The following PCGF5 variants were observed in gnomAD, a reference collection of about 807,000 sequenced individuals.
PCGF5 encodes the protein polycomb group RING finger protein 5.
A neutral mutation model predicts 44.3 loss-of-function variants in PCGF5; 9 were observed. That is an observed-to-expected ratio of 0.20 (90% confidence interval 0.12 to 0.35). The LOEUF (loss-of-function observed/expected upper bound fraction) is 0.35, where lower values mean the gene tolerates loss of function less well. Ranked by LOEUF, PCGF5 falls within the 10% of genes least tolerant of loss-of-function variation. The pLI, the probability that PCGF5 is intolerant of heterozygous loss-of-function variation, is 1.00. For missense variants in PCGF5, 146 were observed against 305.3 expected, an observed-to-expected ratio of 0.48 and a Z score of 3.89; for synonymous variants, 95 against 102.5, an observed-to-expected ratio of 0.93 and a Z score of 0.44.
chr10:91,243,195 G>A (rs1036227812), intron 3 of PCGF5, among the ~76,000 whole-genome samples: 5 of 152,198 alleles, frequency 3.3e-5, no homozygotes, highest in Non-Finnish European at 1.5e-5. Flanking sequence ...AGGAGACTAA[G>A]GAGGTTGTGG....
At chr10:91,233,972 A>G (rs576147090) in intron 2 of PCGF5, among the ~76,000 whole-genome samples, 6 of 152,334 alleles carry the variant, frequency 3.9e-5, no homozygotes, top group East Asian at 3.9e-4. Context: ...AAAGATTATT[A>G]TTGTTTTATC....
At chr10:91,162,235 G>T (rs984677232), upstream of PCGF5, among the ~76,000 whole-genome samples, 1 of 149,364 alleles carries the variant, frequency 6.7e-6, no homozygotes, top group Non-Finnish European at 1.5e-5. Flanking sequence ...AGGCATTAAG[G>T]CTCGAGGCCA....
At chr10:91,223,637 C>T (rs1430422685) in intron 2 of PCGF5, among the ~76,000 whole-genome samples, 2 of 152,206 alleles carry the variant, frequency 1.3e-5, no homozygotes, top group African/African-American at 4.8e-5. Context: ...GCCAAGATTA[C>T]ACATACTCTT....
At chr10:91,184,095 G>C (rs1456393059) in intron 1 of PCGF5, among the ~76,000 whole-genome samples, 1 of 152,086 alleles carries the variant, frequency 6.6e-6, no homozygotes, top group Non-Finnish European at 1.5e-5. Context: ...TCCTGAATTT[G>C]AAGGTTGGCC....
chr10:91,197,929 G>A (rs1239024210), intron 1 of PCGF5, among the ~76,000 whole-genome samples: 1 of 152,154 alleles, frequency 6.6e-6, no homozygotes, highest in African/African-American at 2.4e-5. Flanking sequence ...TGGTTCTCAA[G>A]ATGTTTCATT....
rs1347840151 is a variant in PCGF5, at chr10:91,278,389, C to T, written c.*73C>T. 8.1e-6 allele frequency: 11 copies of T among 1,353,242 alleles called. No individual in the cohort carries two copies. The highest frequency in any genetic ancestry group is 2.4e-5 in the South Asian group (2 of 85,080). The allele number at this position is 1,353,242 out of a possible 1,614,324, so 83.8% of individuals were successfully genotyped here. ...ACTCGTCAACAGATTGCACAGTTAA[C>T]GGTGTGTGGACTAGAGGAACACAAC... On this transcript the variant is annotated 3_prime_UTR_variant, in exon 10 of 10. Coordinates refer to ENST00000336126, the MANE Select transcript of PCGF5 (RefSeq NM_032373.5).
chr10:91,280,102 A>G lies in PCGF5; in HGVS notation c.*1786A>G, dbSNP rs1846416460. The stretch of plus-strand genomic sequence containing the variant: ...GAATGGCTCACAAGCAGAATTTAAA[A>G]GGCAGATTTTCATTAACTATAAATG... On this transcript the variant is annotated 3_prime_UTR_variant, in exon 10 of 10. Coordinates refer to ENST00000336126, the MANE Select transcript of PCGF5 (RefSeq NM_032373.5). 1 of 152,060 alleles carries G rather than the reference A, an allele frequency of 6.6e-6. No homozygotes were observed. The highest frequency in any genetic ancestry group is 1.5e-5 in the Non-Finnish European group (1 of 67,902). The allele number at this position is 152,060 out of a possible 1,614,324, so 9.4% of individuals were successfully genotyped here. A position where few individuals can be genotyped will look rare whatever the true frequency, so the allele number is the denominator to read the frequency against.
At chr10:91,228,894 C>T (rs1844924098) in intron 2 of PCGF5, among the ~76,000 whole-genome samples, 1 of 152,144 alleles carries the variant, frequency 6.6e-6, no homozygotes, top group Non-Finnish European at 1.5e-5. Flanking sequence ...GGAGAGAAGG[C>T]CAGAAATCTG....
intron 3 of PCGF5, 124 bp downstream of exon 3, chr10:91,240,704 T>C (rs1845299932): frequency 2.2e-6 from 1 of 464,882 alleles, no homozygotes; most frequent in Non-Finnish European, 3.7e-6. Context: ...ATGATTTTCA[T>C]TTTAAAGCAT....
chr10:91,257,388 CTT>C (rs1422716463), intron 6 of PCGF5, among the ~76,000 whole-genome samples: 2 of 152,082 alleles, frequency 1.3e-5, no homozygotes, highest in Non-Finnish European at 2.9e-5. Context: ...GTGGAAAACA[CTT>C]TAGCAGTTCC....
At chr10:91,260,720 A>AAACACCG (rs1401817247) in intron 6 of PCGF5, among the ~76,000 whole-genome samples, 2 of 151,440 alleles carry the variant, frequency 1.3e-5, no homozygotes, top group African/African-American at 4.9e-5. Context: ...ACAAAAAACC[A>AAACACCG]AACACCGCAT....
intron 1 of PCGF5, among the ~76,000 whole-genome samples, chr10:91,182,402 G>A (rs539323345): frequency 6.6e-6 from 1 of 151,950 alleles, no homozygotes; most frequent in Non-Finnish European, 1.5e-5. Context: ...GTCAGTGGTA[G>A]TGCCCTCCTT....
chr10:91,258,881 A>G (rs943034470), intron 6 of PCGF5, among the ~76,000 whole-genome samples: 1 of 152,100 alleles, frequency 6.6e-6, no homozygotes, highest in Non-Finnish European at 1.5e-5. Context: ...TGCTAGGAAA[A>G]CATTTGCTAG....
intron 2 of PCGF5, among the ~76,000 whole-genome samples, chr10:91,224,819 A>C (rs1844773192): frequency 6.6e-6 from 1 of 152,180 alleles, no homozygotes; most frequent in African/African-American, 2.4e-5. Flanking sequence ...GAGGTGGAGA[A>C]GGGTGGTTGT....
chr10:91,278,798 GCCAC>G lies in PCGF5; in HGVS notation c.*483_*486del. Reference sequence around the variant, plus strand: ...GTATATTTAGAAAAGTGGTTTTTGAGCCACTGTCTTGTTCTTGATAAGCTTTTTG... The same window carrying G: ...GTATATTTAGAAAAGTGGTTTTTGAGTGTCTTGTTCTTGATAAGCTTTTTG... On this transcript the variant is annotated 3_prime_UTR_variant, in exon 10 of 10. Coordinates refer to ENST00000336126, the MANE Select transcript of PCGF5 (RefSeq NM_032373.5). 6.5e-6 allele frequency: 1 copy of G among 154,334 alleles called. No individual in the cohort carries two copies. Among genetic ancestry groups the G allele is most frequent in the Admixed American group, 6.4e-5 (1 of 15,514 alleles). 9.6% of individuals were successfully genotyped at this position (154,334 alleles called of 1,614,324 possible).
intron 3 of PCGF5, among the ~76,000 whole-genome samples, chr10:91,244,010 C>T (rs543337402): frequency 3.3e-5 from 5 of 152,162 alleles, no homozygotes; most frequent in Non-Finnish European, 4.4e-5. Flanking sequence ...ATTCTAGGTG[C>T]TTGAGGTCCA....
chr10:91,167,520 C>T (rs1049087912), intron 1 of PCGF5, among the ~76,000 whole-genome samples: 2 of 152,206 alleles, frequency 1.3e-5, no homozygotes, highest in African/African-American at 4.8e-5. Flanking sequence ...AATGTAGGGA[C>T]CAGCCTGTGC....
At chr10:91,200,776 G>A (rs1304290151) in intron 1 of PCGF5, among the ~76,000 whole-genome samples, 1 of 152,042 alleles carries the variant, frequency 6.6e-6, no homozygotes. Flanking sequence ...ATTAAGCTTT[G>A]GTTTCTTCCT....
At chr10:91,212,212 T>C (rs1844466164) in intron 1 of PCGF5, among the ~76,000 whole-genome samples, 1 of 152,236 alleles carries the variant, frequency 6.6e-6, no homozygotes, top group Admixed American at 6.5e-5. Flanking sequence ...TAATTGAAGC[T>C]TGAGAAAGCT....
Sources: gnomAD v4.1 joint callset for allele counts (sites outside exome capture counted in the v4.1 genomes callset) on GRCh38, gnomAD v4.1.1 for gene constraint, MANE v1.5 for transcripts, NCBI Gene and HGNC (gene_info 2026-07-23, HGNC 2026-07-21) for gene names.